Variants in DPY19L4 observed in about 807,000 individuals in gnomAD.
DPY19L4 encodes dpy-19 like 4, also known as probable C-mannosyltransferase DPY19L4.
Under a neutral mutation model 102.8 loss-of-function variants are expected in DPY19L4, and 97 were observed. The observed-to-expected ratio is 0.94, with a 90% confidence interval of 0.80 to 1.12. The LOEUF (loss-of-function observed/expected upper bound fraction) is 1.12, where lower values mean the gene tolerates loss of function less well. Among genes scored for constraint, DPY19L4 ranks in the 50% most tolerant of loss-of-function variants. DPY19L4 has a pLI of 0.00. For synonymous variants in DPY19L4, 252 were observed against 283.1 expected (o/e 0.89, Z 1.10); for missense variants, 815 against 850.4 (o/e 0.96, Z 0.52).
At chr8:94,761,636 G>T in intron 7 of DPY19L4, 64 bp from the exon 8 acceptor site, 1 of 1,392,128 alleles carries the variant, frequency 7.2e-7, no homozygotes, top group Non-Finnish European at 9.4e-7. Context: ...TGAGGTAACA[G>T]TCTCATAGGC....
chr8:94,766,346 G>A (rs1437853106), intron 10 of DPY19L4, among the ~76,000 whole-genome samples: 1 of 152,318 alleles, frequency 6.6e-6, no homozygotes, highest in East Asian at 1.9e-4. Context: ...TTGCACTCCA[G>A]CCTGGGCAAC....
chr8:94,720,938 C>A (rs1810427981), intron 1 of DPY19L4, among the ~76,000 whole-genome samples: 1 of 151,148 alleles, frequency 6.6e-6, no homozygotes, highest in African/African-American at 2.4e-5. Flanking sequence ...AATTTAGACT[C>A]AAGCCCCCCT....
chr8:94,786,777 A>G (rs952522741), intron 17 of DPY19L4, among the ~76,000 whole-genome samples: 19 of 152,098 alleles, frequency 1.2e-4, no homozygotes, highest in African/African-American at 3.9e-4. Flanking sequence ...CAAACTCCTG[A>G]TCTCAAGTGA....
At chr8:94,787,477 G>T (rs920572976) in intron 17 of DPY19L4, among the ~76,000 whole-genome samples, 23 of 152,096 alleles carry the variant, frequency 1.5e-4, no homozygotes, top group Admixed American at 2.6e-4. Flanking sequence ...TCTGCAAATA[G>T]ATTGGAATCT....
In DPY19L4 at chr8:94,756,160, G is replaced by A. The variant is rs779765882; in HGVS notation, c.735+1G>A. On this transcript the variant is annotated splice_donor_variant, in intron 7 of 18. Coordinates refer to ENST00000414645, the MANE Select transcript of DPY19L4 (RefSeq NM_181787.3). LOFTEE classifies it high-confidence loss of function. ...AAGCAACTTAAATACTTATGGAGAGGTAAGATACAAATCTGTTTTATCTGT... is the reference window on the plus strand; with the variant it reads ...AAGCAACTTAAATACTTATGGAGAGATAAGATACAAATCTGTTTTATCTGT... 5 of 1,611,370 alleles carry A rather than the reference G, an allele frequency of 3.1e-6. No individual in the cohort carries two copies. The Admixed American group carries it at 5.0e-5, about 16-fold the overall frequency.
chr8:94,756,816 G>A (rs552129765), intron 7 of DPY19L4, among the ~76,000 whole-genome samples: 1 of 152,280 alleles, frequency 6.6e-6, no homozygotes, highest in East Asian at 1.9e-4. Context: ...CCTGAGGTCA[G>A]GAGTTTGAGA....
chr8:94,744,616 C>A, intron 6 of DPY19L4: 1 of 453,928 alleles, frequency 2.2e-6, no homozygotes, highest in East Asian at 6.9e-5. Context: ...TCATGTAATC[C>A]CTATATCTGT....
rs1813939620 is a variant in DPY19L4 at position 94,793,691 on chromosome 8, A to C, written c.*3781A>C. 6.6e-6 allele frequency: 1 copy of C among 152,208 alleles called. No individual in the cohort carries two copies. Among genetic ancestry groups the C allele is most frequent in the Admixed American group, 6.5e-5 (1 of 15,280 alleles). The allele number at this position is 152,208 out of a possible 1,614,324, so 9.4% of individuals were successfully genotyped here. A position where few individuals can be genotyped will look rare whatever the true frequency, so the allele number is the denominator to read the frequency against. ...TTTCCTATTCAAACAGGATCTCATT[A>C]GTATGTTTTTTAATGTGTAGAATTA... On this transcript the variant is annotated 3_prime_UTR_variant, in exon 19 of 19. Coordinates refer to ENST00000414645, the MANE Select transcript of DPY19L4 (RefSeq NM_181787.3).
At chr8:94,760,096 G>A (rs1403483722) in intron 7 of DPY19L4, among the ~76,000 whole-genome samples, 1 of 152,176 alleles carries the variant, frequency 6.6e-6, no homozygotes, top group African/African-American at 2.4e-5. Context: ...TCAGGGAAAG[G>A]AATAACTTTG....
Position 94,789,843 on chromosome 8 carries a change from CTAGAG to C in DPY19L4, c.2108_2112del (p.Arg703IlefsTer10). On this transcript the variant is annotated frameshift_variant, in exon 19 of 19. Transcript: ENST00000414645. LOFTEE classifies it high-confidence loss of function. ...TATTCTCCATATGTGAATTATTTCACTAGAGTATACTGGAACAGATCCTACTTTGT... is the reference window on the plus strand; with the variant it reads ...TATTCTCCATATGTGAATTATTTCACTATACTGGAACAGATCCTACTTTGT... The C allele has an allele frequency of 1.2e-6, 2 of 1,610,774 alleles. No homozygotes were observed. Among genetic ancestry groups the C allele is most frequent in the Non-Finnish European group, 1.7e-6 (2 of 1,178,752 alleles).
At chr8:94,763,394 G>T (rs895216711) in intron 8 of DPY19L4, among the ~76,000 whole-genome samples, 1 of 151,230 alleles carries the variant, frequency 6.6e-6, no homozygotes, top group Non-Finnish European at 1.5e-5. Flanking sequence ...AGGCTGGAGT[G>T]CAGTGGCTCA....
intron 6 of DPY19L4, among the ~76,000 whole-genome samples, chr8:94,746,168 T>G (rs1247729076): frequency 6.6e-6 from 1 of 151,216 alleles, no homozygotes. Context: ...TTTAAGTGAT[T>G]CTCCTGCTTC....
chr8:94,787,985 T>C lies in DPY19L4; in HGVS notation c.1940T>C (p.Ile647Thr), dbSNP rs960768827. Residue 647 changes from isoleucine (I) to threonine (T), a missense_variant, in exon 18 of 19, where the codon ATC becomes ACC. Physicochemically the swap from Ile to Thr is moderately conservative, Grantham distance 89. Coordinates refer to ENST00000414645, the MANE Select transcript of DPY19L4 (RefSeq NM_181787.3). ...KANYLIVEDA[I>T]CNEVGPMRGC... is the part of the protein sequence containing the mutation. ...AATTACCTAATTGTAGAGGATGCTA[T>C]CTGCAATGAGGTGGGACCCATGAGA... 1 of 1,523,292 alleles carries C rather than the reference T, an allele frequency of 6.6e-7. No homozygotes were observed. The highest frequency in any genetic ancestry group is 8.8e-7 in the Non-Finnish European group (1 of 1,136,178). 94.4% of individuals were successfully genotyped at this position (1,523,292 alleles called of 1,614,324 possible).
Position 94,791,210 on chromosome 8 carries a change from A to C in DPY19L4, c.*1300A>C, listed in dbSNP as rs1442597786. 6.6e-6 allele frequency: 1 copy of C among 152,182 alleles called. No homozygotes were observed. Among genetic ancestry groups the C allele is most frequent in the Non-Finnish European group, 1.5e-5 (1 of 67,988 alleles). The allele number at this position is 152,182 out of a possible 1,614,324, so 9.4% of individuals were successfully genotyped here. A position where few individuals can be genotyped will look rare whatever the true frequency, so the allele number is the denominator to read the frequency against. On this transcript the variant is annotated 3_prime_UTR_variant, in exon 19 of 19. Coordinates refer to ENST00000414645, the MANE Select transcript of DPY19L4 (RefSeq NM_181787.3). ...CATTTTCAGTACTCTAAATTACTAC[A>C]TTAGAAGAGAGCATTTCTCCATTGT...
chr8:94,776,495 A>G (rs1246392459), intron 13 of DPY19L4, among the ~76,000 whole-genome samples: 1 of 150,952 alleles, frequency 6.6e-6, no homozygotes, highest in East Asian at 1.9e-4. Flanking sequence ...CTTGGGCCAT[A>G]TATCTACATT....
intron 3 of DPY19L4, among the ~76,000 whole-genome samples, chr8:94,736,987 G>A (rs1002074113): frequency 3.3e-5 from 5 of 152,078 alleles, no homozygotes; most frequent in Non-Finnish European, 7.4e-5. Flanking sequence ...GTGATGACTT[G>A]TGATTTACAA....
At position 94,788,052 on chromosome 8, in the gene DPY19L4, C is replaced by A. The variant is rs148628207; in HGVS notation, c.2007C>A (p.His669Gln). Residue 669 changes from histidine to glutamine, a missense_variant and splice_region_variant, in exon 18 of 19, where the codon CAC becomes CAA. By Grantham distance (24) the His-to-Gln change is conservative. Transcript: ENST00000414645. ...VKDLLDIANG[H>Q]MVCEEGDKLT... ...ATTTATTAGACATTGCAAATGGCCA[C>A]GTAAGTAACCATTTGGAAAGTTATA... 2 of 1,423,516 alleles carry A rather than the reference C, an allele frequency of 1.4e-6. No individual in the cohort carries two copies. Among genetic ancestry groups the A allele is most frequent in the South Asian group, 3.3e-5 (2 of 60,312 alleles). The allele number at this position is 1,423,516 out of a possible 1,614,324, so 88.2% of individuals were successfully genotyped here.
chr8:94,780,290 G>A lies in DPY19L4; in HGVS notation c.1576-69G>A, dbSNP rs1813371222. On this transcript the variant is annotated intron_variant, in intron 14 of 18. Coordinates refer to ENST00000414645, the MANE Select transcript of DPY19L4 (RefSeq NM_181787.3). ...AGATATATGATTGGTCATAGAATCA[G>A]TGTCTATTACCTCTAACGTGTGTTC... 4 of 1,188,370 alleles carry A rather than the reference G, an allele frequency of 3.4e-6. No individual in the cohort carries two copies. In the South Asian group the frequency reaches 9.7e-5, roughly 29 times the overall value. The allele number at this position is 1,188,370 out of a possible 1,614,324, so 73.6% of individuals were successfully genotyped here.
chr8:94,735,544 C>T (rs778120009), intron 3 of DPY19L4, among the ~76,000 whole-genome samples: 20 of 152,184 alleles, frequency 1.3e-4, no homozygotes, highest in Non-Finnish European at 2.8e-4. Flanking sequence ...ATCTAGGGAG[C>T]TTTCAAAGAT....
Sources: gnomAD v4.1 joint callset for allele counts (sites outside exome capture counted in the v4.1 genomes callset) on GRCh38, gnomAD v4.1.1 for gene constraint, MANE v1.5 for transcripts, NCBI Gene and HGNC (gene_info 2026-07-23, HGNC 2026-07-21) for gene names.